The following THSD7A variants were observed in gnomAD, a reference collection of about 807,000 sequenced individuals.
THSD7A encodes the protein thrombospondin type-1 domain-containing protein 7A.
A neutral mutation model predicts 231.3 loss-of-function variants in THSD7A; 96 were observed. The observed-to-expected ratio is 0.41, with a 90% CI of 0.35 to 0.49. THSD7A has a LOEUF of 0.49. Among genes scored for constraint, THSD7A ranks in the 20% least tolerant of loss-of-function variants. The probability of loss-of-function intolerance (pLI) is 0.05; values close to 1 mark genes in which losing one functional copy is unlikely to be tolerated. For missense variants in THSD7A, 2,290 were observed against 2,070.2 expected (o/e 1.11, Z -2.06); for synonymous variants, 940 against 743.3 (o/e 1.26, Z -4.30).
chr7:11,783,056 A>T (rs79621803), intron 1 of THSD7A, among the ~76,000 whole-genome samples: 1,942 of 152,246 alleles, frequency 0.013, 44 homozygotes, highest in African/African-American at 0.044. Context: ...GGGGAATAAG[A>T]CACAGAAGGA....
At chr7:11,477,668 G>A (rs894992780) in intron 7 of THSD7A, among the ~76,000 whole-genome samples, 2 of 152,064 alleles carry the variant, frequency 1.3e-5, no homozygotes, top group South Asian at 2.1e-4. Context: ...GTGGCCTTTT[G>A]ACAATTCTCT....
chr7:11,736,689 C>T (rs1487912875), intron 1 of THSD7A, among the ~76,000 whole-genome samples: 1 of 151,816 alleles, frequency 6.6e-6, no homozygotes, highest in African/African-American at 2.4e-5. Context: ...CCCTTGTATC[C>T]TCCTGTATAT....
chr7:11,609,820 G>A (rs1780862996), intron 2 of THSD7A, among the ~76,000 whole-genome samples: 1 of 152,014 alleles, frequency 6.6e-6, no homozygotes, highest in Non-Finnish European at 1.5e-5. Flanking sequence ...CAAATGTTAT[G>A]CTGCTAAAAT....
At chr7:11,759,115 A>C (rs2128167437) in intron 1 of THSD7A, among the ~76,000 whole-genome samples, 1 of 152,254 alleles carries the variant, frequency 6.6e-6, no homozygotes, top group South Asian at 2.1e-4. Context: ...GTTCCAAGAA[A>C]CACGAATTCA....
At chr7:11,606,424 C>T (rs1199563025) in intron 2 of THSD7A, among the ~76,000 whole-genome samples, 1 of 152,104 alleles carries the variant, frequency 6.6e-6, no homozygotes, top group Non-Finnish European at 1.5e-5. Flanking sequence ...ATGGGACCCT[C>T]CTAAACCCAG....
At chr7:11,517,464 C>T (rs1175726343) in intron 6 of THSD7A, among the ~76,000 whole-genome samples, 1 of 150,738 alleles carries the variant, frequency 6.6e-6, no homozygotes, top group Non-Finnish European at 1.5e-5. Flanking sequence ...CAGGGAATAT[C>T]ATTAAAAATA....
Position 11,372,525 on chromosome 7 carries a change from A to G in THSD7A, c.*3269T>C, listed in dbSNP as rs1782095300. On this transcript the variant is annotated 3_prime_UTR_variant, in exon 28 of 28. Coordinates refer to ENST00000423059, the MANE Select transcript of THSD7A (RefSeq NM_015204.3). ...TTGAAATTAAGATTACTGTCCACAT[A>G]TTGGATTAGTTATTGATGAATAAGC... The G allele has an allele frequency of 6.6e-6, 1 of 152,158 alleles. No homozygotes were observed. The highest frequency in any genetic ancestry group is 1.5e-5 in the Non-Finnish European group (1 of 68,012). The allele number at this position is 152,158 out of a possible 1,614,324, so 9.4% of individuals were successfully genotyped here.
chr7:11,706,041 G>A (rs887859050), intron 1 of THSD7A, among the ~76,000 whole-genome samples: 6 of 150,848 alleles, frequency 4.0e-5, no homozygotes, highest in African/African-American at 1.5e-4. Context: ...ATACTGTGAA[G>A]CCACATTCGT....
At chr7:11,778,126 C>T (rs1286585637) in intron 1 of THSD7A, among the ~76,000 whole-genome samples, 1 of 122,088 alleles carries the variant, frequency 8.2e-6, no homozygotes, top group Non-Finnish European at 1.6e-5. Flanking sequence ...CACTGCACTC[C>T]AGCCTGGGCG....
intron 2 of THSD7A, among the ~76,000 whole-genome samples, chr7:11,594,645 C>A (rs962710716): frequency 2.0e-5 from 3 of 152,082 alleles, no homozygotes; most frequent in South Asian, 2.1e-4. Flanking sequence ...TCCATTGCTC[C>A]TAAGTTCAAT....
At chr7:11,387,212 A>ATGAAACT (rs1261246271) in intron 23 of THSD7A, among the ~76,000 whole-genome samples, 2 of 152,130 alleles carry the variant, frequency 1.3e-5, no homozygotes, top group African/African-American at 4.8e-5. Flanking sequence ...TTTGTTCCAG[A>ATGAAACT]TGAAACTTAA....
chr7:11,604,090 A>C (rs1033450039), intron 2 of THSD7A, among the ~76,000 whole-genome samples: 5 of 152,158 alleles, frequency 3.3e-5, no homozygotes, highest in Non-Finnish European at 7.4e-5. Context: ...ATTTACAATA[A>C]ACATATATTA....
At chr7:11,488,033 A>G (rs949275304) in intron 6 of THSD7A, among the ~76,000 whole-genome samples, 1 of 152,158 alleles carries the variant, frequency 6.6e-6, no homozygotes, top group Non-Finnish European at 1.5e-5. Flanking sequence ...GCAACTCACA[A>G]CATAATGGAA....
intron 1 of THSD7A, among the ~76,000 whole-genome samples, chr7:11,641,612 G>C (rs931889773): frequency 6.6e-6 from 1 of 151,830 alleles, no homozygotes; most frequent in South Asian, 2.1e-4. Context: ...TATTTACATT[G>C]AGAACCAGCA....
chr7:11,801,438 T>C (rs1318722537), intron 1 of THSD7A, among the ~76,000 whole-genome samples: 1 of 152,170 alleles, frequency 6.6e-6, no homozygotes, highest in Non-Finnish European at 1.5e-5. Flanking sequence ...ATAAGTGAAT[T>C]GAAGCATAGA....
At chr7:11,677,305 G>T (rs1783679710) in intron 1 of THSD7A, among the ~76,000 whole-genome samples, 2 of 151,932 alleles carry the variant, frequency 1.3e-5, no homozygotes, top group Non-Finnish European at 2.9e-5. Context: ...ACCAGCCACT[G>T]CAAAAACATA....
intron 1 of THSD7A, among the ~76,000 whole-genome samples, chr7:11,664,970 T>C (rs533230064): frequency 1.3e-5 from 2 of 152,150 alleles, no homozygotes; most frequent in South Asian, 4.1e-4. Flanking sequence ...AGGTATTAAA[T>C]TGACTGGCCT....
chr7:11,402,073 G>A (rs1859225), intron 22 of THSD7A, 105 bp from the exon 23 acceptor site: 69 of 847,896 alleles, frequency 8.1e-5, no homozygotes, highest in Non-Finnish European at 1.1e-4. Context: ...GGTATCCCAG[G>A]CACACATAAT....
intron 1 of THSD7A, among the ~76,000 whole-genome samples, chr7:11,817,155 T>TCACA (rs1019902734): frequency 1.2e-4 from 19 of 152,054 alleles, no homozygotes; most frequent in African/African-American, 4.6e-4. Flanking sequence ...TATTCATATA[T>TCACA]CACACACACA....
Sources: gnomAD v4.1 joint callset for allele counts (sites outside exome capture counted in the v4.1 genomes callset) on GRCh38, gnomAD v4.1.1 for gene constraint, MANE v1.5 for transcripts, NCBI Gene and HGNC (gene_info 2026-07-23, HGNC 2026-07-21) for gene names.